Variants in JARID2 observed in about 807,000 individuals in gnomAD.
JARID2 encodes protein Jumonji.
In JARID2, 21 loss-of-function variants were observed where a neutral mutation model predicts 125.6. That is an observed-to-expected ratio of 0.17 (90% CI 0.12 to 0.24). The LOEUF (loss-of-function observed/expected upper bound fraction) is 0.24, where lower values mean the gene tolerates loss of function less well. Ranked by LOEUF, JARID2 falls within the 10% of genes least tolerant of loss-of-function variation. The pLI, the probability that JARID2 is intolerant of heterozygous loss-of-function variation, is 1.00. For synonymous variants in JARID2, 736 were observed against 661.6 expected, an observed-to-expected ratio of 1.11 and a Z score of -1.73; for missense variants, 1,303 against 1,639.6, an observed-to-expected ratio of 0.79 and a Z score of 3.55.
At chr6:15,311,039 G>A (rs1016032149) in intron 1 of JARID2, among the ~76,000 whole-genome samples, 1 of 152,112 alleles carries the variant, frequency 6.6e-6, no homozygotes, top group Non-Finnish European at 1.5e-5. Flanking sequence ...TTAGTTCCAG[G>A]GCTAACATGG....
At chr6:15,309,573 A>G (rs1298165456) in intron 1 of JARID2, among the ~76,000 whole-genome samples, 1 of 152,178 alleles carries the variant, frequency 6.6e-6, no homozygotes, top group Non-Finnish European at 1.5e-5. Context: ...AAAGCAAGTG[A>G]GAAAACAGTA....
intron 3 of JARID2, among the ~76,000 whole-genome samples, chr6:15,420,375 C>G (rs932506071): frequency 1.8e-4 from 27 of 150,814 alleles, no homozygotes; most frequent in South Asian, 2.1e-4. Context: ...TGCACTACAG[C>G]CTGGGTGACA....
chr6:15,509,399 T>A (rs1390253450), intron 12 of JARID2: 1 of 979,704 alleles, frequency 1.0e-6, no homozygotes, highest in African/African-American at 1.8e-5. Flanking sequence ...GGAGCCAGCG[T>A]CGGCTGCAGC....
At position 15,455,823 on chromosome 6, in the gene JARID2, C is replaced by T. The variant is rs183655858; in HGVS notation, c.493+3648C>T. On this transcript the variant is annotated intron_variant, in intron 4 of 17. Transcript: ENST00000341776. ...GATTACAGGCATGAGTCACCATGCC[C>T]GGCGAAGCCAGGTTCTTTAAAGAGT... Among the ~76,000 whole-genome samples the T allele has an allele frequency of 1.4e-4, 22 of 152,300 alleles. No individual in the cohort carries two copies. In the East Asian group the frequency reaches 2.1e-3, roughly 15 times the overall value.
chr6:15,286,291 C>T (rs920033395), intron 1 of JARID2, among the ~76,000 whole-genome samples: 3 of 146,494 alleles, frequency 2.0e-5, no homozygotes, highest in South Asian at 2.1e-4. Context: ...CTCACTTTGT[C>T]ACCCGAGTTG....
At chr6:15,456,683 A>T (rs1015537555) in intron 4 of JARID2, among the ~76,000 whole-genome samples, 4 of 152,012 alleles carry the variant, frequency 2.6e-5, no homozygotes, top group Non-Finnish European at 5.9e-5. Flanking sequence ...CATGACCCTG[A>T]AAATCTGATG....
At chr6:15,358,574 G>A (rs933978777) in intron 1 of JARID2, among the ~76,000 whole-genome samples, 8 of 152,198 alleles carry the variant, frequency 5.3e-5, no homozygotes, top group African/African-American at 1.9e-4. Context: ...AAGCCAGTAG[G>A]TGCTCGTTTT....
intron 5 of JARID2, among the ~76,000 whole-genome samples, chr6:15,469,076 G>GT (rs1226039234): frequency 2.0e-5 from 3 of 152,096 alleles, no homozygotes; most frequent in African/African-American, 7.2e-5. Context: ...GGTGGATATG[G>GT]TATAGGAAGA....
In JARID2 at chr6:15,520,969, T is replaced by A. The variant is rs542393948; in HGVS notation, c.*718T>A. 1 of 336,898 alleles carries A rather than the reference T, an allele frequency of 3.0e-6. No individual in the cohort carries two copies. Among genetic ancestry groups the A allele is most frequent in the Admixed American group, 3.4e-5 (1 of 29,538 alleles). 20.9% of individuals were successfully genotyped at this position (336,898 alleles called of 1,614,324 possible). A position where few individuals can be genotyped will look rare whatever the true frequency, so the allele number is the denominator to read the frequency against. The stretch of plus-strand genomic sequence containing the variant: ...GACTGCCTGCCTTGGAGGGGTCACA[T>A]GAGGGAGACCTGTGCCTGATTTCAT... On this transcript the variant is annotated 3_prime_UTR_variant, in exon 18 of 18. Coordinates refer to ENST00000341776, the MANE Select transcript of JARID2 (RefSeq NM_004973.4).
chr6:15,256,114 G>C (rs1759654595), intron 1 of JARID2, among the ~76,000 whole-genome samples: 1 of 152,178 alleles, frequency 6.6e-6, no homozygotes. Flanking sequence ...ACTGCATACT[G>C]CTGCACAAAT....
At chr6:15,252,770 C>T (rs576227721) in intron 1 of JARID2, among the ~76,000 whole-genome samples, 1 of 151,982 alleles carries the variant, frequency 6.6e-6, no homozygotes, top group East Asian at 1.9e-4. Context: ...TTTTTCCGTC[C>T]TCCAGATAAC....
chr6:15,250,429 C>G (rs766436948), intron 1 of JARID2, among the ~76,000 whole-genome samples: 5 of 152,092 alleles, frequency 3.3e-5, no homozygotes, highest in Non-Finnish European at 7.4e-5. Context: ...TGTATTTTTT[C>G]TTTCCTGGGA....
intron 1 of JARID2, among the ~76,000 whole-genome samples, chr6:15,347,995 A>G (rs964848751): frequency 1.3e-5 from 2 of 152,166 alleles, no homozygotes; most frequent in African/African-American, 4.8e-5. Flanking sequence ...CTCAAGAGGA[A>G]GCATCCAAAG....
rs188589619 is a variant in JARID2, at chr6:15,469,533, C to T, written c.670+815C>T. Among the ~76,000 whole-genome samples, 522 of 150,526 alleles carry T rather than the reference C, an allele frequency of 3.5e-3. 4 individuals carry two copies. The highest frequency in any genetic ancestry group is 0.012 in the African/African-American group (501 of 40,888). On this transcript the variant is annotated intron_variant, in intron 5 of 17. Transcript: ENST00000341776. ...CTGCCAGCTCTACCTCCCGGGTTCA[C>T]GCCATTATCCTGCCTCATCCTCCTG...
intron 1 of JARID2, among the ~76,000 whole-genome samples, chr6:15,271,139 G>T (rs1367845537): frequency 2.0e-5 from 3 of 152,088 alleles, no homozygotes; most frequent in African/African-American, 7.2e-5. Flanking sequence ...AATATTTATT[G>T]TCTACTTTGT....
chr6:15,324,877 TTTG>T (rs1027473881), intron 1 of JARID2, among the ~76,000 whole-genome samples: 4 of 151,584 alleles, frequency 2.6e-5, no homozygotes, highest in African/African-American at 9.7e-5. Context: ...AAGAATGTCT[TTTG>T]TTGTTGTTGT....
rs533408600 is a variant in JARID2 at position 15,285,110 on chromosome 6, T to G, written c.45+38526T>G. 3.0e-3 allele frequency among the ~76,000 whole-genome samples: 395 copies of G among 130,304 alleles called. 2 individuals are homozygous for G. The highest frequency in any genetic ancestry group is 5.1e-3 in the Non-Finnish European group (296 of 58,090). The allele number at this position is 130,304 out of a possible 152,430, so 85.5% of individuals were successfully genotyped here. A position where few individuals can be genotyped will look rare whatever the true frequency, so the allele number is the denominator to read the frequency against. ...CATTAATGTGAGTCTTTCTGGGTTT[T>G]TTTTTTTTTTTTTTTTTGAAAGGAA... On this transcript the variant is annotated intron_variant, in intron 1 of 17. Transcript: ENST00000341776.
At chr6:15,373,852 G>A (rs1434185048) in intron 1 of JARID2, among the ~76,000 whole-genome samples, 4 of 152,108 alleles carry the variant, frequency 2.6e-5, no homozygotes, top group Non-Finnish European at 5.9e-5. Flanking sequence ...GTTGATGAAC[G>A]TATTTGATTT....
At chr6:15,508,261 AAG>A (rs1771105640) in intron 11 of JARID2, 77 bp from the exon 12 acceptor site, 1 of 760,396 alleles carries the variant, frequency 1.3e-6, no homozygotes, top group Admixed American at 2.0e-5. Context: ...TAGCGGAAGA[AAG>A]AGATTTTTAC....
Sources: gnomAD v4.1 joint callset for allele counts (sites outside exome capture counted in the v4.1 genomes callset) on GRCh38, gnomAD v4.1.1 for gene constraint, MANE v1.5 for transcripts, NCBI Gene and HGNC (gene_info 2026-07-23, HGNC 2026-07-21) for gene names.